The following MTUS2 variants were observed in gnomAD, a reference collection of about 807,000 sequenced individuals.
MTUS2 encodes microtubule associated scaffold protein 2, also known as microtubule-associated tumor suppressor candidate 2.
MTUS2 carries 40 observed loss-of-function variants against 114.1 expected under a neutral mutation model. That is an observed-to-expected ratio of 0.35 (90% CI 0.27 to 0.46). The LOEUF is 0.46. Among genes scored for constraint, MTUS2 ranks in the 20% least tolerant of loss-of-function variants. The pLI, the probability that MTUS2 is intolerant of heterozygous loss-of-function variation, is 1.00. For missense variants in MTUS2, 1,679 were observed against 1,705.4 expected (o/e 0.98, Z 0.27); for synonymous variants, 688 against 672.0 (o/e 1.02, Z -0.37).
chr13:28,942,590 A>G (rs898541388), intron 2 of MTUS2, among the ~76,000 whole-genome samples: 2 of 152,270 alleles, frequency 1.3e-5, no homozygotes, highest in Non-Finnish European at 2.9e-5. Flanking sequence ...AGAATAGATC[A>G]GCAGCCTGTG....
intron 10 of MTUS2, among the ~76,000 whole-genome samples, chr13:29,481,359 C>G (rs1222833034): frequency 2.0e-5 from 3 of 151,974 alleles, no homozygotes; most frequent in Admixed American, 2.0e-4. Context: ...TTCAGTGTAC[C>G]CCCCACCACC....
chr13:28,860,882 G>A (rs1229138139), intron 2 of MTUS2, among the ~76,000 whole-genome samples: 3 of 152,190 alleles, frequency 2.0e-5, no homozygotes, highest in Admixed American at 6.5e-5. Context: ...CTGGACACCC[G>A]TGGCTTGGCC....
chr13:28,829,645 G>C (rs114067986), intron 1 of MTUS2, among the ~76,000 whole-genome samples: 1 of 152,288 alleles, frequency 6.6e-6, no homozygotes, highest in African/African-American at 2.4e-5. Flanking sequence ...GATTGCTCTA[G>C]AAGCTTCTTA....
At chr13:29,326,055 T>C (rs1900498636) in intron 7 of MTUS2, among the ~76,000 whole-genome samples, 1 of 152,196 alleles carries the variant, frequency 6.6e-6, no homozygotes, top group African/African-American at 2.4e-5. Flanking sequence ...AGCCTGGTAA[T>C]TGGGTGAGAG....
At chr13:28,886,406 G>A (rs1404349275) in intron 2 of MTUS2, among the ~76,000 whole-genome samples, 3 of 152,138 alleles carry the variant, frequency 2.0e-5, no homozygotes, top group Non-Finnish European at 2.9e-5. Context: ...GTGGAGGTGG[G>A]GAGAAGTGGT....
At chr13:29,419,988 C>T (rs1259471343) in intron 8 of MTUS2, among the ~76,000 whole-genome samples, 6 of 152,210 alleles carry the variant, frequency 3.9e-5, no homozygotes, top group African/African-American at 1.4e-4. Context: ...AACAGTTCAG[C>T]TGTGGACTAT....
intron 5 of MTUS2, among the ~76,000 whole-genome samples, chr13:29,249,363 T>G (rs1167106532): frequency 6.6e-6 from 1 of 152,214 alleles, no homozygotes; most frequent in Admixed American, 6.5e-5. Flanking sequence ...TTTGTGGTTC[T>G]AAATCCTTGA....
At chr13:29,281,938 C>A (rs2139542891) in intron 6 of MTUS2, 73 bp downstream of exon 6, 1 of 1,446,732 alleles carries the variant, frequency 6.9e-7, no homozygotes, top group Admixed American at 2.3e-5. Flanking sequence ...CTTTTGAAAG[C>A]CCCTGTGTAC....
chr13:29,087,661 G>A (rs537941198), intron 4 of MTUS2, among the ~76,000 whole-genome samples: 1 of 152,308 alleles, frequency 6.6e-6, no homozygotes, highest in South Asian at 2.1e-4. Context: ...AGCTGTTGAT[G>A]CTGGCCTCAT....
At chr13:28,899,798 A>C (rs1246641938) in intron 2 of MTUS2, among the ~76,000 whole-genome samples, 1 of 152,166 alleles carries the variant, frequency 6.6e-6, no homozygotes, top group Non-Finnish European at 1.5e-5. Context: ...ACATGGCTGC[A>C]CTGGAGTCTC....
intron 4 of MTUS2, among the ~76,000 whole-genome samples, chr13:29,090,912 G>A (rs1889915533): frequency 6.6e-6 from 1 of 152,198 alleles, no homozygotes; most frequent in African/African-American, 2.4e-5. Context: ...TTCTCCCCAT[G>A]AATTCAAATA....
chr13:29,109,238 A>G (rs941194958), intron 5 of MTUS2, among the ~76,000 whole-genome samples: 5 of 152,244 alleles, frequency 3.3e-5, no homozygotes, highest in African/African-American at 1.2e-4. Context: ...GCATTGTGAA[A>G]TGATTACTAC....
intron 2 of MTUS2, among the ~76,000 whole-genome samples, chr13:28,983,083 G>T (rs4769654): frequency 0.16 from 24,998 of 152,130 alleles, 2,628 homozygotes; most frequent in East Asian, 0.51. Flanking sequence ...AATTCAAGGG[G>T]TGTGAGCTAA....
intron 8 of MTUS2, among the ~76,000 whole-genome samples, chr13:29,398,958 G>T (rs1007986557): frequency 1.2e-4 from 19 of 152,146 alleles, no homozygotes; most frequent in African/African-American, 3.6e-4. Context: ...GAGGGTTCTT[G>T]GATCTTGCAC....
At chr13:29,090,718 T>G (rs1171968642) in intron 4 of MTUS2, among the ~76,000 whole-genome samples, 6 of 152,212 alleles carry the variant, frequency 3.9e-5, no homozygotes, top group Non-Finnish European at 7.3e-5. Context: ...CTGGTCATGT[T>G]CTGTGCAGGA....
intron 5 of MTUS2, among the ~76,000 whole-genome samples, chr13:29,268,891 C>A (rs1157536055): frequency 6.6e-6 from 1 of 152,054 alleles, no homozygotes; most frequent in Non-Finnish European, 1.5e-5. Flanking sequence ...CCATGCCCAG[C>A]TTTTTACATT....
rs544165446 is a variant in MTUS2, at chr13:29,147,430, T to A, written c.2644+46460T>A. On this transcript the variant is annotated intron_variant, in intron 5 of 15. Coordinates refer to ENST00000612955, the MANE Select transcript of MTUS2 (RefSeq NM_001033602.4). ...TGCAATGCTAAAATTATGCCCATTTTAAAAAATTTTAGCTTTACTTTTAGA... is the reference window on the plus strand; with the variant it reads ...TGCAATGCTAAAATTATGCCCATTTAAAAAAATTTTAGCTTTACTTTTAGA... Among the ~76,000 whole-genome samples the A allele has an allele frequency of 1.1e-4, 17 of 152,324 alleles. No individual in the cohort carries two copies. The South Asian group carries it at 1.9e-3, about 17-fold the overall frequency.
intron 8 of MTUS2, among the ~76,000 whole-genome samples, chr13:29,374,793 AGGCTG>A (rs1871453108): frequency 6.6e-6 from 1 of 151,960 alleles, no homozygotes; most frequent in East Asian, 1.9e-4. Flanking sequence ...GCTACTCGGG[AGGCTG>A]ACCTGTAATC....
At chr13:29,147,800 T>C (rs1481773965) in intron 5 of MTUS2, among the ~76,000 whole-genome samples, 1 of 152,200 alleles carries the variant, frequency 6.6e-6, no homozygotes, top group Non-Finnish European at 1.5e-5. Context: ...TAGTACTCCG[T>C]GGAGAATATG....
Sources: gnomAD v4.1 joint callset for allele counts (sites outside exome capture counted in the v4.1 genomes callset) on GRCh38, gnomAD v4.1.1 for gene constraint, MANE v1.5 for transcripts, NCBI Gene and HGNC (gene_info 2026-07-23, HGNC 2026-07-21) for gene names.